Variants in ELMO1 observed in about 807,000 individuals in gnomAD.
The protein encoded by ELMO1 is engulfment and cell motility 1.
A neutral mutation model predicts 98.9 loss-of-function variants in ELMO1; 26 were observed. The ratio of observed to expected loss-of-function variants is 0.26; its 90% CI spans 0.19 to 0.36. The LOEUF is 0.36. Among genes scored for constraint, ELMO1 ranks in the 10% least tolerant of loss-of-function variants. ELMO1 has a pLI of 1.00. For synonymous variants in ELMO1, 346 were observed against 346.0 expected (o/e 1.00, Z 0.00); for missense variants, 627 against 935.2 (o/e 0.67, Z 4.30).
At chr7:37,193,402 C>A (rs758340930) in intron 13 of ELMO1, among the ~76,000 whole-genome samples, 1 of 152,078 alleles carries the variant, frequency 6.6e-6, no homozygotes, top group Non-Finnish European at 1.5e-5. Flanking sequence ...TTTTCTAACA[C>A]GTAAACTGAA....
intron 16 of ELMO1, among the ~76,000 whole-genome samples, chr7:36,943,980 AT>A (rs1787267097): frequency 6.6e-6 from 1 of 152,208 alleles, no homozygotes; most frequent in Admixed American, 6.5e-5. Flanking sequence ...CATAAAAATG[AT>A]CAAGAAAAGA....
chr7:37,166,374 T>C (rs1789691604), intron 13 of ELMO1, among the ~76,000 whole-genome samples: 1 of 152,164 alleles, frequency 6.6e-6, no homozygotes, highest in South Asian at 2.1e-4. Flanking sequence ...TCTTGCCTTC[T>C]GCTAGCTTTT....
rs1474089318 is a variant in ELMO1 at position 36,853,776 on chromosome 7, G to A, written c.*1775C>T. Among the ~76,000 whole-genome samples the A allele has an allele frequency of 6.6e-6, 1 of 152,172 alleles. No individual in the cohort carries two copies. Among genetic ancestry groups the A allele is most frequent in the Admixed American group, 6.5e-5 (1 of 15,272 alleles). ...GCCAGAGTGGCTGGTGCTGTGCCAC[G>A]CTTAATACTGCATGCTTGGACCCTT... On this transcript the variant is annotated 3_prime_UTR_variant, in exon 22 of 22. Coordinates refer to ENST00000310758, the MANE Select transcript of ELMO1 (RefSeq NM_014800.11).
intron 16 of ELMO1, among the ~76,000 whole-genome samples, chr7:36,981,616 C>T (rs908213710): frequency 2.6e-5 from 4 of 152,082 alleles, no homozygotes; most frequent in African/African-American, 7.2e-5. Flanking sequence ...ATTAAACCCA[C>T]GTTCCATACT....
At chr7:37,332,585 A>C (rs2131206542) in intron 2 of ELMO1, among the ~76,000 whole-genome samples, 1 of 152,390 alleles carries the variant, frequency 6.6e-6, no homozygotes, top group East Asian at 1.9e-4. Flanking sequence ...TTAGACATGC[A>C]GAGAACTGAG....
Position 37,218,414 on chromosome 7 carries a change from G to A in ELMO1, c.781-1719C>T, listed in dbSNP as rs57957058. On this transcript the variant is annotated intron_variant, in intron 10 of 21. Transcript: ENST00000310758. The stretch of plus-strand genomic sequence containing the variant: ...AGCCCAAAGTACAATGTCTGACACC[G>A]AGAAGACAATAAATGTTTGATAAAA... Among the ~76,000 whole-genome samples, 310 of 151,744 alleles carry A rather than the reference G, an allele frequency of 2.0e-3. 1 individual carries two copies. The highest frequency in any genetic ancestry group is 6.9e-3 in the African/African-American group (285 of 41,362).
intron 13 of ELMO1, among the ~76,000 whole-genome samples, chr7:37,182,718 A>G (rs1283191196): frequency 2.6e-5 from 4 of 152,088 alleles, no homozygotes; most frequent in Non-Finnish European, 4.4e-5. Context: ...CTTGGGAATG[A>G]TACAATTATC....
intron 1 of ELMO1, among the ~76,000 whole-genome samples, chr7:37,446,749 C>T (rs989450715): frequency 2.6e-5 from 4 of 152,152 alleles, no homozygotes; most frequent in Non-Finnish European, 5.9e-5. Context: ...TTCTTGTTCT[C>T]CAGTTCAGTA....
chr7:37,217,210 T>C lies in ELMO1; in HGVS notation c.781-515A>G, dbSNP rs573912271. 4.3e-4 allele frequency among the ~76,000 whole-genome samples: 66 copies of C among 151,856 alleles called. 1 individual carries two copies. The South Asian group carries it at 0.013, about 31-fold the overall frequency. ...TTTAAGTGAAGGGCAAATATCTGGG[T>C]GATGCAAAGCTCTAGAGTCTACACT... is the stretch of plus-strand genomic sequence containing the variant. On this transcript the variant is annotated intron_variant, in intron 10 of 21. Transcript: ENST00000310758.
At chr7:36,964,173 T>G (rs1313998472) in intron 16 of ELMO1, among the ~76,000 whole-genome samples, 1 of 152,222 alleles carries the variant, frequency 6.6e-6, no homozygotes, top group Non-Finnish European at 1.5e-5. Flanking sequence ...GATGAATTAT[T>G]GTATATGACT....
intron 16 of ELMO1, among the ~76,000 whole-genome samples, chr7:36,930,968 G>A (rs1387426018): frequency 2.6e-5 from 4 of 152,090 alleles, no homozygotes; most frequent in South Asian, 2.1e-4. Context: ...CCTCAAAAGC[G>A]GTCAGAATGG....
At chr7:36,937,158 C>T (rs1786608120) in intron 16 of ELMO1, among the ~76,000 whole-genome samples, 1 of 152,194 alleles carries the variant, frequency 6.6e-6, no homozygotes, top group Non-Finnish European at 1.5e-5. Context: ...AGTCCTCACA[C>T]CAGTACCTCA....
intron 1 of ELMO1, among the ~76,000 whole-genome samples, chr7:37,349,528 A>G (rs1237453604): frequency 6.6e-6 from 1 of 151,944 alleles, no homozygotes; most frequent in African/African-American, 2.4e-5. Flanking sequence ...ATCTCAGCTC[A>G]CTGTAACCTC....
At chr7:36,937,230 C>G (rs543128524) in intron 16 of ELMO1, among the ~76,000 whole-genome samples, 64 of 152,330 alleles carry the variant, frequency 4.2e-4, no homozygotes, top group African/African-American at 1.5e-3. Context: ...TGCAGTCATA[C>G]TGGAGCAGAG....
chr7:37,112,991 A>G, intron 14 of ELMO1, among the ~76,000 whole-genome samples: 1 of 152,228 alleles, frequency 6.6e-6, no homozygotes, highest in Non-Finnish European at 1.5e-5. Flanking sequence ...CAAAAAGGGA[A>G]GACAGCAGTG....
At chr7:37,362,444 T>C (rs1157228621) in intron 1 of ELMO1, among the ~76,000 whole-genome samples, 1 of 152,188 alleles carries the variant, frequency 6.6e-6, no homozygotes, top group Non-Finnish European at 1.5e-5. Flanking sequence ...TTAAGATTGC[T>C]TGGACCCACG....
intron 13 of ELMO1, among the ~76,000 whole-genome samples, chr7:37,166,298 T>C (rs1371550519): frequency 6.6e-6 from 1 of 152,238 alleles, no homozygotes; most frequent in Non-Finnish European, 1.5e-5. Context: ...AGCTCCTGGA[T>C]TCATTAATTT....
chr7:36,971,153 G>A (rs1789914293), intron 16 of ELMO1, among the ~76,000 whole-genome samples: 1 of 152,208 alleles, frequency 6.6e-6, no homozygotes, highest in Admixed American at 6.5e-5. Flanking sequence ...AGCAAAGAAC[G>A]AAAGGTCTAG....
intron 7 of ELMO1, among the ~76,000 whole-genome samples, chr7:37,238,666 T>C (rs893811210): frequency 6.6e-6 from 1 of 152,184 alleles, no homozygotes; most frequent in East Asian, 1.9e-4. Flanking sequence ...TCTTTCAACA[T>C]TAAGTATGAT....
Sources: gnomAD v4.1 joint callset for allele counts (sites outside exome capture counted in the v4.1 genomes callset) on GRCh38, gnomAD v4.1.1 for gene constraint, MANE v1.5 for transcripts, NCBI Gene and HGNC (gene_info 2026-07-23, HGNC 2026-07-21) for gene names.